RBM6: variants seen among roughly 807,000 people sequenced by gnomAD.
RBM6 encodes RNA-binding protein 6.
RBM6 carries 23 observed loss-of-function variants against 140.4 expected under a neutral mutation model. The observed-to-expected ratio is 0.16, with a 90% CI of 0.12 to 0.23. The LOEUF (loss-of-function observed/expected upper bound fraction) is 0.23. RBM6 is among the 10% of genes least tolerant of loss of function. The pLI is 1.00. For synonymous variants in RBM6, 439 were observed against 475.6 expected (o/e 0.92, Z 1.00); for missense variants, 1,139 against 1,386.7 (o/e 0.82, Z 2.84).
chr3:49,975,839 A>G (rs2085040371), intron 5 of RBM6, among the ~76,000 whole-genome samples: 1 of 152,156 alleles, frequency 6.6e-6, no homozygotes, highest in Non-Finnish European at 1.5e-5. Context: ...TTTTGCTTTG[A>G]GAATGGAGTC....
intron 19 of RBM6, among the ~76,000 whole-genome samples, chr3:50,071,740 G>T (rs1259285580): frequency 6.6e-6 from 1 of 152,204 alleles, no homozygotes; most frequent in East Asian, 1.9e-4. Context: ...TGGTGTTCAG[G>T]TCTCTGGTCT....
intron 5 of RBM6, among the ~76,000 whole-genome samples, chr3:49,996,199 T>G (rs1256148997): frequency 6.6e-6 from 1 of 152,196 alleles, no homozygotes; most frequent in Non-Finnish European, 1.5e-5. Flanking sequence ...TTTTCATACC[T>G]TATGGCCCTT....
At chr3:50,034,378 T>C (rs1157411121) in intron 6 of RBM6, among the ~76,000 whole-genome samples, 1 of 152,228 alleles carries the variant, frequency 6.6e-6, no homozygotes, top group East Asian at 1.9e-4. Context: ...TATGACCTGT[T>C]GGCATATTTT....
intron 1 of RBM6, among the ~76,000 whole-genome samples, chr3:49,946,254 T>A (rs2083480525): frequency 6.6e-6 from 1 of 152,100 alleles, no homozygotes; most frequent in Non-Finnish European, 1.5e-5. Context: ...TCTTTTTTTT[T>A]TTTGGAGACA....
intron 5 of RBM6, among the ~76,000 whole-genome samples, chr3:49,985,321 A>G (rs757385244): frequency 2.0e-5 from 3 of 152,250 alleles, no homozygotes; most frequent in Non-Finnish European, 4.4e-5. Flanking sequence ...AACTGTTTAC[A>G]GGATTTAAAA....
Position 49,967,079 on chromosome 3 carries a change from T to C in RBM6, c.45-391T>C, listed in dbSNP as rs991305993. 8 of 279,158 alleles carry C rather than the reference T, an allele frequency of 2.9e-5. No homozygotes were observed. The highest frequency in any genetic ancestry group is 1.6e-4 in the Admixed American group (3 of 18,726). 17.3% of individuals were successfully genotyped at this position (279,158 alleles called of 1,614,324 possible). On this transcript the variant is annotated intron_variant, in intron 2 of 20. Transcript: ENST00000266022. The surrounding 1 kb of genome is among the most constrained non-coding windows in gnomAD (Gnocchi z 4.0). The stretch of plus-strand genomic sequence containing the variant: ...TTACAGTGCATTGATTTTTCTGATA[T>C]ATAGGAATCGTCATGTTGACCTTGG...
intron 6 of RBM6, among the ~76,000 whole-genome samples, chr3:50,033,352 C>T (rs1408303921): frequency 6.6e-6 from 1 of 151,900 alleles, no homozygotes; most frequent in Non-Finnish European, 1.5e-5. Context: ...TGGTATGATC[C>T]GTAGTTCACT....
chr3:49,982,476 G>T (rs1201118525), intron 5 of RBM6, among the ~76,000 whole-genome samples: 5 of 151,700 alleles, frequency 3.3e-5, no homozygotes, highest in Non-Finnish European at 7.4e-5. Context: ...GTGCAGTGAC[G>T]TGATCTCAGC....
intron 5 of RBM6, among the ~76,000 whole-genome samples, chr3:49,994,433 T>C (rs1055955557): frequency 4.6e-5 from 7 of 152,176 alleles, no homozygotes; most frequent in Non-Finnish European, 8.8e-5. Context: ...TATTCTGTTA[T>C]TCCCACTGAC....
At chr3:50,074,965 C>T (rs2090413321) in intron 19 of RBM6, among the ~76,000 whole-genome samples, 1 of 150,932 alleles carries the variant, frequency 6.6e-6, no homozygotes, top group Admixed American at 6.6e-5. Context: ...CTGGCCAACA[C>T]AGTGAAACTC....
chr3:50,060,772 A>AG, intron 11 of RBM6, 184 bp from the exon 12 acceptor site: 1 of 406,848 alleles, frequency 2.5e-6, no homozygotes, highest in Non-Finnish European at 4.2e-6. Flanking sequence ...AAAAAAAAAA[A>AG]AAAAGAGTCT....
intron 5 of RBM6, among the ~76,000 whole-genome samples, chr3:49,994,038 A>G (rs573687607): frequency 6.6e-6 from 1 of 152,174 alleles, no homozygotes; most frequent in South Asian, 2.1e-4. Context: ...TATTTTCCTA[A>G]TTTTCGTAAT....
chr3:50,047,653 C>T (rs2089285485), intron 6 of RBM6, among the ~76,000 whole-genome samples: 1 of 152,176 alleles, frequency 6.6e-6, no homozygotes, highest in Non-Finnish European at 1.5e-5. Context: ...ACCAGCCAAT[C>T]AGTTTCCTGC....
chr3:49,980,032 G>A (rs543220664), intron 5 of RBM6, among the ~76,000 whole-genome samples: 21 of 151,348 alleles, frequency 1.4e-4, no homozygotes, highest in African/African-American at 4.8e-4. Context: ...ACGGAGTCTC[G>A]TTTGGTCACC....
chr3:50,060,814 A>T, intron 11 of RBM6, 142 bp from the exon 12 acceptor site: 2 of 618,708 alleles, frequency 3.2e-6, no homozygotes, highest in East Asian at 3.1e-5. Context: ...TGTCTGGACC[A>T]CCCAACCTGC....
Position 50,057,756 on chromosome 3 carries a change from C to T in RBM6, c.1722C>T (p.Thr574=), listed in dbSNP as rs745489822. Residue 574 remains threonine (T), a synonymous_variant, in exon 9 of 21, where the codon ACC becomes ACT. Coordinates refer to ENST00000266022, the MANE Select transcript of RBM6 (RefSeq NM_005777.3). The part of the protein sequence containing the change: ...EVTEAKQELI[T]YPQPQKTSIP... ...CAGAGGCCAAGCAAGAATTAATAAC[C>T]TACCCTCAGCCTCAGAAAACATCCA... is the stretch of plus-strand genomic sequence containing the variant. 3.7e-6 allele frequency: 6 copies of T among 1,612,748 alleles called. No homozygotes were observed. Among genetic ancestry groups the T allele is most frequent in the Non-Finnish European group, 5.1e-6 (6 of 1,179,760 alleles).
At chr3:50,061,405 C>G in intron 13 of RBM6, 57 bp from the exon 14 acceptor site, 1 of 1,584,170 alleles carries the variant, frequency 6.3e-7, no homozygotes, top group Admixed American at 2.0e-5. Context: ...TGATGAGTCT[C>G]CAGTAAGGGC....
intron 6 of RBM6, among the ~76,000 whole-genome samples, chr3:50,002,812 G>A (rs1342206174): frequency 4.6e-5 from 7 of 152,302 alleles, no homozygotes; most frequent in African/African-American, 1.7e-4. Flanking sequence ...ACAATCTTAT[G>A]AGAGACATAA....
At chr3:50,033,905 G>A (rs1172171652) in intron 6 of RBM6, among the ~76,000 whole-genome samples, 1 of 152,070 alleles carries the variant, frequency 6.6e-6, no homozygotes, top group East Asian at 1.9e-4. Context: ...CTCCCAAAGT[G>A]GTAGGATTAC....
Sources: allele counts gnomAD v4.1 joint callset (sites outside exome capture counted in the v4.1 genomes callset), GRCh38; gene constraint gnomAD v4.1.1; non-coding constraint Gnocchi (gnomAD v3.1); transcripts MANE v1.5; gene names NCBI Gene and HGNC (gene_info 2026-07-23, HGNC 2026-07-21).